Variants in SEC22C observed in about 807,000 individuals in gnomAD.
SEC22C encodes the protein SEC22 homolog C, vesicle trafficking protein, also known as vesicle-trafficking protein SEC22c.
Under a neutral mutation model 34.7 loss-of-function variants are expected in SEC22C, and 29 were observed. The ratio of observed to expected loss-of-function variants is 0.84; its 90% CI spans 0.62 to 1.14. The LOEUF is 1.14. Among genes scored for constraint, SEC22C ranks in the 50% most tolerant of loss-of-function variants. SEC22C has a pLI of 0.00. For synonymous variants in SEC22C, 117 were observed against 132.8 expected (o/e 0.88, Z 0.82); for missense variants, 337 against 369.0 (o/e 0.91, Z 0.71).
rs946521936 is a variant in SEC22C, at chr3:42,548,243, A to G, written c.*5005T>C. On this transcript the variant is annotated 3_prime_UTR_variant, in exon 7 of 7. Transcript: ENST00000264454. The stretch of plus-strand genomic sequence containing the variant: ...ATCAGCCTCAGTATTTTATGCTTTT[A>G]GTAGAAAAGCCCATTAAACAAAATA... The G allele has an allele frequency of 4.5e-5, 9 of 201,854 alleles. No homozygotes were observed. The highest frequency in any genetic ancestry group is 8.0e-5 in the Non-Finnish European group (8 of 100,162). The allele number at this position is 201,854 out of a possible 1,614,324, so 12.5% of individuals were successfully genotyped here.
In SEC22C at chr3:42,552,179, T is replaced by C. The variant is rs998744985; in HGVS notation, c.*1069A>G. ...TGTTAATTATATCTCTATCAAGCTT[T>C]AAAAAGTTAACAGATACTTAACTCT... On this transcript the variant is annotated 3_prime_UTR_variant, in exon 7 of 7. Coordinates refer to ENST00000264454, the MANE Select transcript of SEC22C (RefSeq NM_032970.4). 1 of 985,144 alleles carries C rather than the reference T, an allele frequency of 1.0e-6. No individual in the cohort carries two copies. Among genetic ancestry groups the C allele is most frequent in the Non-Finnish European group, 1.2e-6 (1 of 829,746 alleles). The allele number at this position is 985,144 out of a possible 1,614,324, so 61.0% of individuals were successfully genotyped here.
intron 6 of SEC22C, among the ~76,000 whole-genome samples, chr3:42,554,778 G>C (rs559105641): frequency 9.9e-5 from 15 of 152,276 alleles, no homozygotes; most frequent in African/African-American, 3.6e-4. Flanking sequence ...AGTCCATACG[G>C]AGGACAAGGA....
exon 1 of SEC22C, chr3:42,600,964 T>G (rs1418904277): frequency 6.7e-6 from 10 of 1,485,928 alleles, no homozygotes; most frequent in Middle Eastern, 2.4e-4. Flanking sequence ...CCTGACCGCT[T>G]TTCTCCCCCT....
At position 42,557,625 on chromosome 3, in the gene SEC22C, C is replaced by A; in HGVS notation, c.598G>T (p.Ala200Ser). 2 of 1,610,112 alleles carry A rather than the reference C, an allele frequency of 1.2e-6. No homozygotes were observed. Among genetic ancestry groups the A allele is most frequent in the Non-Finnish European group, 1.7e-6 (2 of 1,178,232 alleles). The change falls in exon 5 of 7, where the codon GCC (alanine) becomes TCC (serine). Residue 200 changes from alanine to serine, a missense_variant. Coordinates refer to ENST00000264454, the MANE Select transcript of SEC22C (RefSeq NM_032970.4). ...TGAACTCCTCGAATGAGATTCAGGGCAGCACACATGATGTTGAGAATGAGG... is the reference window on the plus strand; with the variant it reads ...TGAACTCCTCGAATGAGATTCAGGGAAGCACACATGATGTTGAGAATGAGG... ...LSLILNIMCA[A>S]LNLIRGVHLA...
intron 1 of SEC22C, among the ~76,000 whole-genome samples, chr3:42,575,255 A>G (rs1703890872): frequency 6.6e-6 from 1 of 152,232 alleles, no homozygotes; most frequent in Non-Finnish European, 1.5e-5. Flanking sequence ...CACAAAACAA[A>G]AAAGGGCAGA....
Position 42,553,401 on chromosome 3 carries a change from C to A in SEC22C, c.759G>T (p.Val253=), listed in dbSNP as rs1702346261. Residue 253 remains valine (V), a synonymous_variant, in exon 7 of 7, where the codon GTG becomes GTT. Transcript: ENST00000264454. ...CCAGGCAAATAAAGAGCAGCATAAGCACCACCTTCATAGTCCTGGCTGGAC... is the reference window on the plus strand; with the variant it reads ...CCAGGCAAATAAAGAGCAGCATAAGAACCACCTTCATAGTCCTGGCTGGAC... ...FYSPARTMKV[V]LMLLFICLGN... The A allele has an allele frequency of 4.3e-6, 7 of 1,614,144 alleles. No homozygotes were observed. Among genetic ancestry groups the A allele is most frequent in the African/African-American group, 4.0e-5 (3 of 75,026 alleles).
chr3:42,591,671 C>G (rs568727201), intron 1 of SEC22C: 8 of 1,054,578 alleles, frequency 7.6e-6, no homozygotes, highest in Non-Finnish European at 1.2e-5. Flanking sequence ...GGTGCTTTCT[C>G]GAACTAAGAG....
upstream of SEC22C, among the ~76,000 whole-genome samples, chr3:42,586,679 T>C (rs538740592): frequency 6.6e-6 from 1 of 152,126 alleles, no homozygotes; most frequent in Non-Finnish European, 1.5e-5. Flanking sequence ...TTGCAGCTTC[T>C]TTTCCTCTGC....
chr3:42,590,982 G>T, intron 1 of SEC22C: 1 of 1,335,446 alleles, frequency 7.5e-7, no homozygotes, highest in Non-Finnish European at 9.8e-7. Flanking sequence ...CATCCACGCG[G>T]GCGGGCGGGC....
intron 1 of SEC22C, among the ~76,000 whole-genome samples, chr3:42,599,637 A>G (rs1412592410): frequency 6.6e-6 from 1 of 150,706 alleles, no homozygotes; most frequent in African/African-American, 2.4e-5. Context: ...GCTTGCAGTG[A>G]GCCGAGATCC....
chr3:42,556,207 T>C (rs756211720), intron 5 of SEC22C, among the ~76,000 whole-genome samples: 1 of 152,218 alleles, frequency 6.6e-6, no homozygotes, highest in African/African-American at 2.4e-5. Context: ...CCTGTCCCCA[T>C]GTGACTGTGC....
At chr3:42,565,878 GCT>G (rs764992400) in intron 2 of SEC22C, 18 of 455,938 alleles carry the variant, frequency 3.9e-5, no homozygotes, top group Non-Finnish European at 7.1e-5. Context: ...CTATGGTACT[GCT>G]CACCTGTAAG....
chr3:42,553,534 G>A (rs1050001565), intron 6 of SEC22C, 86 bp from the exon 7 acceptor site: 12 of 1,516,972 alleles, frequency 7.9e-6, no homozygotes, highest in Non-Finnish European at 1.1e-5. Context: ...CAGCTTCCAT[G>A]AAGAGTGTCA....
At chr3:42,555,197 A>T (rs1201128736) in intron 6 of SEC22C, among the ~76,000 whole-genome samples, 4 of 152,106 alleles carry the variant, frequency 2.6e-5, no homozygotes, top group African/African-American at 9.7e-5. Flanking sequence ...TACAAAAAAA[A>T]TTAGCCAGGT....
At chr3:42,586,349 A>G (rs1425330720), upstream of SEC22C, among the ~76,000 whole-genome samples, 1 of 152,056 alleles carries the variant, frequency 6.6e-6, no homozygotes, top group Non-Finnish European at 1.5e-5. Flanking sequence ...CAGCCTCCCA[A>G]GTAGCTGGGA....
At chr3:42,571,212 A>C (rs1304232475) in intron 1 of SEC22C, among the ~76,000 whole-genome samples, 1 of 152,012 alleles carries the variant, frequency 6.6e-6, no homozygotes, top group African/African-American at 2.4e-5. Context: ...TAGTTTTACC[A>C]CTCTCTAAAG....
intron 1 of SEC22C, chr3:42,580,468 G>C (rs1449452191): frequency 6.6e-6 from 1 of 152,192 alleles, no homozygotes; most frequent in Non-Finnish European, 1.5e-5. Flanking sequence ...TTGAGAACTG[G>C]TTACCAAATC....
intron 1 of SEC22C, among the ~76,000 whole-genome samples, chr3:42,599,079 C>T (rs1435569144): frequency 6.6e-6 from 1 of 151,636 alleles, no homozygotes; most frequent in Non-Finnish European, 1.5e-5. Flanking sequence ...CATTCTTCTG[C>T]CTCAGCCTCC....
At chr3:42,563,411 G>A in intron 3 of SEC22C, 112 bp downstream of exon 3, 1 of 816,344 alleles carries the variant, frequency 1.2e-6, no homozygotes. Context: ...TCAATGACAT[G>A]TTTTTGCATC....
Sources: allele counts gnomAD v4.1 joint callset (sites outside exome capture counted in the v4.1 genomes callset), GRCh38; gene constraint gnomAD v4.1.1; transcripts MANE v1.5; gene names NCBI Gene and HGNC (gene_info 2026-07-23, HGNC 2026-07-21).